GK5: variants seen among roughly 807,000 people sequenced by gnomAD.
GK5 encodes the protein glycerol kinase 5, also known as ATP:glycerol 3-phosphotransferase 5.
In GK5, 39 loss-of-function variants were observed where a neutral mutation model predicts 77.3. The ratio of observed to expected loss-of-function variants is 0.50; its 90% CI spans 0.39 to 0.66. GK5 has a LOEUF of 0.66. GK5 is among the 30% of genes least tolerant of loss of function. The pLI is 0.00. For synonymous variants in GK5, 211 were observed against 208.0 expected (o/e 1.01, Z -0.13); for missense variants, 487 against 633.8 (o/e 0.77, Z 2.49).
chr3:142,168,887 C>G (rs979356685), intron 15 of GK5, among the ~76,000 whole-genome samples: 1 of 152,140 alleles, frequency 6.6e-6, no homozygotes. Flanking sequence ...TTGATGAATG[C>G]CTTTGCACAA....
chr3:142,222,699 G>T (rs951358902), intron 1 of GK5, among the ~76,000 whole-genome samples: 16 of 152,144 alleles, frequency 1.1e-4, no homozygotes, highest in Admixed American at 1.0e-3. Flanking sequence ...CTTGAGCCCA[G>T]GAGTTCAAGG....
intron 4 of GK5, among the ~76,000 whole-genome samples, chr3:142,203,786 T>C (rs1053930251): frequency 1.3e-5 from 2 of 151,754 alleles, no homozygotes; most frequent in African/African-American, 4.8e-5. Flanking sequence ...AAAATAACAA[T>C]AATAAAATAA....
chr3:142,207,912 G>A (rs1039069521), intron 3 of GK5, among the ~76,000 whole-genome samples: 2 of 152,142 alleles, frequency 1.3e-5, no homozygotes, highest in Non-Finnish European at 2.9e-5. Flanking sequence ...CCTAGATCAT[G>A]AGCATGTTAC....
At chr3:142,205,396 C>T (rs1290975272) in intron 3 of GK5, among the ~76,000 whole-genome samples, 1 of 152,204 alleles carries the variant, frequency 6.6e-6, no homozygotes, top group East Asian at 1.9e-4. Flanking sequence ...TTGCTTTCTA[C>T]CCCAACTCCA....
intron 3 of GK5, among the ~76,000 whole-genome samples, chr3:142,212,551 G>A (rs9845003): frequency 0.24 from 36,984 of 151,464 alleles, 5,013 homozygotes; most frequent in African/African-American, 0.37. Flanking sequence ...AAAAGAAAAA[G>A]AAAAAGAAAG....
chr3:142,190,917 A>G (rs1157833779), intron 5 of GK5, among the ~76,000 whole-genome samples: 2 of 152,236 alleles, frequency 1.3e-5, no homozygotes, highest in Admixed American at 6.5e-5. Context: ...ACACAGAAAC[A>G]TCCTTTGCAA....
At chr3:142,194,219 T>C (rs1314423571) in intron 5 of GK5, among the ~76,000 whole-genome samples, 1 of 151,892 alleles carries the variant, frequency 6.6e-6, no homozygotes, top group Non-Finnish European at 1.5e-5. Context: ...ACCTTGTTTC[T>C]ACAAAAAATT....
chr3:142,161,542 G>A lies in GK5; in HGVS notation c.*4080C>T, dbSNP rs1417383673. 6.6e-6 allele frequency: 1 copy of A among 152,158 alleles called. No homozygotes were observed. Among genetic ancestry groups the A allele is most frequent in the Non-Finnish European group, 1.5e-5 (1 of 68,052 alleles). 9.4% of individuals were successfully genotyped at this position (152,158 alleles called of 1,614,324 possible). On this transcript the variant is annotated 3_prime_UTR_variant, in exon 16 of 16. Transcript: ENST00000392993. ...CATGAAAGCACAGTGCTAAGTTCTG[G>A]GGAAGCAGACAGTTTCTGCTTTCAG...
rs746016873 is a variant in GK5, at chr3:142,163,750, C to G, written c.*1872G>C. 2 of 152,008 alleles carry G rather than the reference C, an allele frequency of 1.3e-5. No homozygotes were observed. Among genetic ancestry groups the G allele is most frequent in the African/African-American group, 2.4e-5 (1 of 41,378 alleles). 9.4% of individuals were successfully genotyped at this position (152,008 alleles called of 1,614,324 possible). A position where few individuals can be genotyped will look rare whatever the true frequency, so the allele number is the denominator to read the frequency against. ...GTGGTTCACGGCTGCAATCCCAGCA[C>G]TTTGGGAGGCCAAGGTGGGAGGATC... On this transcript the variant is annotated 3_prime_UTR_variant, in exon 16 of 16. Coordinates refer to ENST00000392993, the MANE Select transcript of GK5 (RefSeq NM_001039547.3).
intron 3 of GK5, among the ~76,000 whole-genome samples, chr3:142,208,698 G>C (rs1207865773): frequency 1.3e-5 from 2 of 152,164 alleles, no homozygotes; most frequent in Non-Finnish European, 1.5e-5. Context: ...ACTGGTTTCA[G>C]CAAAAATTTA....
intron 5 of GK5, among the ~76,000 whole-genome samples, chr3:142,193,311 T>C (rs1284502422): frequency 1.3e-5 from 2 of 152,140 alleles, no homozygotes; most frequent in African/African-American, 4.8e-5. Context: ...GATATACAAA[T>C]GGTAAGTATG....
At chr3:142,186,421 T>C (rs779839641) in intron 7 of GK5, 31 bp downstream of exon 7, 3 of 1,261,116 alleles carry the variant, frequency 2.4e-6, no homozygotes, top group Admixed American at 2.4e-5. Context: ...CAAAAATGTG[T>C]GATTCAAAAA....
intron 1 of GK5, among the ~76,000 whole-genome samples, chr3:142,218,019 T>C (rs961459415): frequency 2.6e-5 from 4 of 152,038 alleles, no homozygotes; most frequent in Non-Finnish European, 5.9e-5. Context: ...CACTACCCAA[T>C]TTCAAGACTT....
At chr3:142,205,335 G>A (rs1451962369) in intron 3 of GK5, among the ~76,000 whole-genome samples, 6 of 152,000 alleles carry the variant, frequency 3.9e-5, no homozygotes, top group Non-Finnish European at 1.5e-5. Flanking sequence ...TTTCCTTTGC[G>A]GCTCCCGCAA....
chr3:142,185,762 C>T (rs1560218086), intron 9 of GK5, 167 bp downstream of exon 9: 2 of 1,556,934 alleles, frequency 1.3e-6, no homozygotes, highest in South Asian at 1.2e-5. Context: ...AAAAATATAG[C>T]AGATATTCTG....
intron 1 of GK5, among the ~76,000 whole-genome samples, chr3:142,223,703 T>C (rs1283562512): frequency 6.6e-6 from 1 of 152,196 alleles, no homozygotes; most frequent in Non-Finnish European, 1.5e-5. Flanking sequence ...CCAGGCATGA[T>C]GGCGGGTGCC....
rs1159321423 is a variant in GK5 at position 142,201,707 on chromosome 3, T to G, written c.412-2774A>C. Among the ~76,000 whole-genome samples, 10 of 152,270 alleles carry G rather than the reference T, an allele frequency of 6.6e-5. No homozygotes were observed. In the South Asian group the frequency reaches 2.1e-3, roughly 32 times the overall value. ...GGGAAATCCTAATAAAATTTATGGA[T>G]TGTATTAATGTCAATGTCCTGGTTG... On this transcript the variant is annotated intron_variant, in intron 4 of 15. Transcript: ENST00000392993.
intron 2 of GK5, among the ~76,000 whole-genome samples, chr3:142,214,952 T>C (rs1164168591): frequency 6.6e-6 from 1 of 152,236 alleles, no homozygotes; most frequent in African/African-American, 2.4e-5. Flanking sequence ...TATTGTACTA[T>C]TCTTGCAACT....
intron 9 of GK5, chr3:142,185,210 G>A (rs964659909): frequency 6.1e-6 from 4 of 656,810 alleles, no homozygotes; most frequent in Non-Finnish European, 7.5e-6. Context: ...CTAGGAGTTC[G>A]AGATCAGCCA....
Sources: allele counts gnomAD v4.1 joint callset (sites outside exome capture counted in the v4.1 genomes callset), GRCh38; gene constraint gnomAD v4.1.1; transcripts MANE v1.5; gene names NCBI Gene and HGNC (gene_info 2026-07-23, HGNC 2026-07-21).